IQSEC1: variants seen among roughly 807,000 people sequenced by gnomAD.
IQSEC1 encodes IQ motif and Sec7 domain ArfGEF 1, also known as IQ motif and SEC7 domain-containing protein 1.
A neutral mutation model predicts 91.0 loss-of-function variants in IQSEC1; 31 were observed. The observed-to-expected ratio is 0.34, with a 90% CI of 0.26 to 0.46. The LOEUF is 0.46. Among genes scored for constraint, IQSEC1 ranks in the 20% least tolerant of loss-of-function variants. IQSEC1 has a pLI of 1.00. For missense variants in IQSEC1, 1,388 were observed against 1,575.6 expected (o/e 0.88, Z 2.02); for synonymous variants, 699 against 662.6 (o/e 1.05, Z -0.84).
intron 1 of IQSEC1, among the ~76,000 whole-genome samples, chr3:12,945,859 C>T (rs113755210): frequency 6.6e-6 from 1 of 152,224 alleles, no homozygotes; most frequent in Non-Finnish European, 1.5e-5. Context: ...CACTCTAGGA[C>T]TCTGCTGCTA....
upstream of IQSEC1, among the ~76,000 whole-genome samples, chr3:13,075,321 T>G (rs1259164496): frequency 1.3e-5 from 2 of 152,214 alleles, no homozygotes; most frequent in Non-Finnish European, 2.9e-5. Context: ...TTAGATGGGT[T>G]GCACCACATA....
intron 1 of IQSEC1, among the ~76,000 whole-genome samples, chr3:13,061,599 C>A (rs570602881): frequency 6.6e-6 from 1 of 152,152 alleles, no homozygotes; most frequent in Non-Finnish European, 1.5e-5. Context: ...TGACTCCAGG[C>A]CCTGTGCTGA....
intron 7 of IQSEC1, 130 bp from the exon 8 acceptor site, chr3:12,915,263 C>G (rs1484115591): frequency 5.6e-6 from 6 of 1,074,230 alleles, no homozygotes; most frequent in Middle Eastern, 2.0e-4. Context: ...TACCCACTCT[C>G]TCTGGCAGAG....
intron 2 of IQSEC1, among the ~76,000 whole-genome samples, chr3:13,137,969 AC>A (rs1246917223): frequency 1.3e-5 from 2 of 152,240 alleles, no homozygotes; most frequent in Non-Finnish European, 2.9e-5. Context: ...GAATTCTGTC[AC>A]TCGCAGCTGT....
chr3:12,944,073 A>G (rs1055365010), intron 1 of IQSEC1, among the ~76,000 whole-genome samples: 1 of 152,192 alleles, frequency 6.6e-6, no homozygotes, highest in South Asian at 2.1e-4. Context: ...GAATCAGGGC[A>G]GGCTGCCCCT....
At chr3:13,118,615 A>G (rs1706373815) in intron 2 of IQSEC1, among the ~76,000 whole-genome samples, 1 of 152,236 alleles carries the variant, frequency 6.6e-6, no homozygotes, top group South Asian at 2.1e-4. Context: ...TGTCAAATTC[A>G]GAGACCTGAA....
chr3:12,936,804 G>T (rs1284325779), intron 2 of IQSEC1, 107 bp from the exon 3 acceptor site: 1 of 1,173,440 alleles, frequency 8.5e-7, no homozygotes. Flanking sequence ...ACCTGGGAAG[G>T]TCCCAAAGTT....
At chr3:13,243,391 G>A (rs765461104) in intron 1 of IQSEC1, among the ~76,000 whole-genome samples, 12 of 152,118 alleles carry the variant, frequency 7.9e-5, no homozygotes, top group Non-Finnish European at 1.8e-4. Flanking sequence ...GGAGCCCTGC[G>A]GAGGCCCCAG....
intron 2 of IQSEC1, among the ~76,000 whole-genome samples, chr3:13,146,079 C>A (rs762989231): frequency 2.0e-5 from 3 of 152,108 alleles, no homozygotes; most frequent in Non-Finnish European, 4.4e-5. Context: ...CCTTGAACTC[C>A]TGGGCTCAAG....
At chr3:13,003,323 A>ATTCT (rs1489866811) in intron 1 of IQSEC1, among the ~76,000 whole-genome samples, 159 of 149,200 alleles carry the variant, frequency 1.1e-3, no homozygotes, top group Non-Finnish European at 2.0e-3. Context: ...GATACATTCT[A>ATTCT]TTCTATAACA....
At position 12,899,393 on chromosome 3, in the gene IQSEC1, G is replaced by A. The variant is rs771903983; in HGVS notation, c.*1590C>T. On this transcript the variant is annotated 3_prime_UTR_variant, in exon 14 of 14. Coordinates refer to ENST00000613206, the MANE Select transcript of IQSEC1 (RefSeq NM_001134382.3). ...GGCAGTCCTCGGGTCCCATGGCTTA[G>A]GAGCACAGCACTGACGGCTGCAGTG... is the stretch of plus-strand genomic sequence containing the variant. 6.2e-6 allele frequency: 10 copies of A among 1,612,802 alleles called. No individual in the cohort carries two copies. The Admixed American group carries it at 1.7e-4, about 27-fold the overall frequency.
chr3:13,054,076 C>G (rs1704791829), intron 1 of IQSEC1, among the ~76,000 whole-genome samples: 1 of 152,232 alleles, frequency 6.6e-6, no homozygotes, highest in Non-Finnish European at 1.5e-5. Flanking sequence ...CCTCCCCTCG[C>G]CCCATGGAAA....
intron 2 of IQSEC1, among the ~76,000 whole-genome samples, chr3:13,146,054 C>T (rs1179527999): frequency 6.6e-6 from 1 of 152,118 alleles, no homozygotes; most frequent in African/African-American, 2.4e-5. Context: ...GTGGTGCAAT[C>T]ATCGCTCACT....
intron 1 of IQSEC1, among the ~76,000 whole-genome samples, chr3:13,241,761 G>T (rs1041871061): frequency 6.6e-6 from 1 of 152,268 alleles, no homozygotes; most frequent in East Asian, 1.9e-4. Flanking sequence ...CATCCCAGAG[G>T]GGGATAGCCC....
intron 1 of IQSEC1, among the ~76,000 whole-genome samples, chr3:13,215,380 G>A (rs1576297924): frequency 2.0e-5 from 3 of 151,740 alleles, no homozygotes; most frequent in Admixed American, 2.0e-4. Context: ...AGCACACGGA[G>A]CTTTGGCGCC....
intron 2 of IQSEC1, among the ~76,000 whole-genome samples, chr3:12,939,971 A>G (rs560804927): frequency 3.3e-5 from 5 of 152,216 alleles, no homozygotes; most frequent in Non-Finnish European, 7.3e-5. Flanking sequence ...TGTCTGGTGC[A>G]TAGTGGGCGT....
intron 1 of IQSEC1, among the ~76,000 whole-genome samples, chr3:13,179,495 C>G (rs898242474): frequency 8.5e-5 from 13 of 152,392 alleles, no homozygotes; most frequent in African/African-American, 2.9e-4. Flanking sequence ...CCATAGACAT[C>G]ACACAGTGAT....
intron 2 of IQSEC1, among the ~76,000 whole-genome samples, chr3:13,117,703 G>A (rs1706359626): frequency 6.6e-6 from 1 of 150,850 alleles, no homozygotes; most frequent in Non-Finnish European, 1.5e-5. Context: ...TGGCCAATAT[G>A]GTGAAACCCC....
chr3:12,994,073 C>T lies in IQSEC1; in HGVS notation c.24-52208G>A, dbSNP rs1702117329. Among the ~76,000 whole-genome samples the T allele has an allele frequency of 6.8e-6, 1 of 147,234 alleles. No individual in the cohort carries two copies. The highest frequency in any genetic ancestry group is 1.5e-5 in the Non-Finnish European group (1 of 66,128). ...GCCGGGCGCGTCCCCCGCCGGCCCG[C>T]CTCCTACCTCGCGGGTCCGCCCGCA... On this transcript the variant is annotated intron_variant, in intron 1 of 13. Coordinates refer to ENST00000613206, the MANE Select transcript of IQSEC1 (RefSeq NM_001134382.3). This position sits in a 1 kb window ranked among gnomAD's most constrained non-coding sequence, Gnocchi z 4.5.
Sources: allele counts gnomAD v4.1 joint callset (sites outside exome capture counted in the v4.1 genomes callset), GRCh38; gene constraint gnomAD v4.1.1; non-coding constraint Gnocchi (gnomAD v3.1); transcripts MANE v1.5; gene names NCBI Gene and HGNC (gene_info 2026-07-23, HGNC 2026-07-21).